Variants in CCDC148 observed in about 807,000 individuals in gnomAD.
The protein encoded by CCDC148 is coiled-coil domain-containing protein 148.
Under a neutral mutation model 85.7 loss-of-function variants are expected in CCDC148, and 89 were observed. The observed-to-expected ratio is 1.04, with a 90% CI of 0.87 to 1.24. The LOEUF (loss-of-function observed/expected upper bound fraction) is 1.24. Among genes scored for constraint, CCDC148 ranks in the 50% most tolerant of loss-of-function variants. The pLI is 0.00. For synonymous variants in CCDC148, 230 were observed against 213.9 expected (o/e 1.08, Z -0.66); for missense variants, 692 against 671.7 (o/e 1.03, Z -0.33).
chr2:158,321,636 C>T (rs1216358661), intron 7 of CCDC148, among the ~76,000 whole-genome samples: 27 of 152,148 alleles, frequency 1.8e-4, no homozygotes, highest in Admixed American at 1.8e-3. Flanking sequence ...TATTATACCC[C>T]TTTCCCTCTC....
intron 11 of CCDC148, among the ~76,000 whole-genome samples, chr2:158,216,030 G>T (rs1470095714): frequency 6.6e-6 from 1 of 152,144 alleles, no homozygotes; most frequent in Non-Finnish European, 1.5e-5. Flanking sequence ...TGTTGTTCAA[G>T]TCACCCAGTC....
intron 9 of CCDC148, among the ~76,000 whole-genome samples, chr2:158,255,339 G>C (rs897979021): frequency 3.3e-5 from 5 of 151,578 alleles, no homozygotes; most frequent in African/African-American, 1.2e-4. Context: ...GTTGTTGGAA[G>C]CTAGAGTGGT....
intron 11 of CCDC148, 81 bp downstream of exon 11, chr2:158,220,514 T>A: frequency 1.1e-6 from 1 of 926,178 alleles, no homozygotes; most frequent in Non-Finnish European, 1.7e-6. Context: ...AAAAGTTCCC[T>A]CTGATATTAT....
chr2:158,250,145 T>C (rs1016206626), intron 10 of CCDC148, among the ~76,000 whole-genome samples: 1 of 152,050 alleles, frequency 6.6e-6, no homozygotes, highest in Non-Finnish European at 1.5e-5. Context: ...GTATCTCACA[T>C]ATATATTTAA....
intron 1 of CCDC148, among the ~76,000 whole-genome samples, chr2:158,421,496 C>T (rs1355105504): frequency 1.3e-5 from 2 of 152,084 alleles, no homozygotes; most frequent in Non-Finnish European, 2.9e-5. Context: ...CTACTGGGTA[C>T]ATAAAGAAAT....
intron 7 of CCDC148, among the ~76,000 whole-genome samples, chr2:158,314,479 A>C (rs879503257): frequency 2.0e-5 from 3 of 152,214 alleles, no homozygotes; most frequent in Non-Finnish European, 4.4e-5. Context: ...CATTAAAACC[A>C]CTGAAGAAAT....
chr2:158,397,547 G>C (rs1230557667), intron 1 of CCDC148, among the ~76,000 whole-genome samples: 1 of 152,114 alleles, frequency 6.6e-6, no homozygotes, highest in Non-Finnish European at 1.5e-5. Context: ...AAGTGAAGGA[G>C]AAATAAAATC....
At chr2:158,233,184 T>A (rs1305161114) in intron 10 of CCDC148, among the ~76,000 whole-genome samples, 1 of 152,162 alleles carries the variant, frequency 6.6e-6, no homozygotes, top group East Asian at 1.9e-4. Flanking sequence ...CTTTCTACTT[T>A]TGGCCTGGAA....
intron 1 of CCDC148, chr2:158,425,354 T>G (rs1687026364): frequency 4.1e-6 from 2 of 487,890 alleles, no homozygotes; most frequent in Admixed American, 4.2e-5. Context: ...TAACCCATCT[T>G]GCAGGATGAC....
intron 11 of CCDC148, among the ~76,000 whole-genome samples, chr2:158,183,049 C>A (rs1357816119): frequency 6.6e-6 from 1 of 152,112 alleles, no homozygotes; most frequent in Non-Finnish European, 1.5e-5. Context: ...CAAACAGAAA[C>A]CGTCTTGGGT....
chr2:158,183,658 C>G (rs1400774258), intron 11 of CCDC148, among the ~76,000 whole-genome samples: 1 of 152,170 alleles, frequency 6.6e-6, no homozygotes, highest in African/African-American at 2.4e-5. Flanking sequence ...CTCCCCCTAC[C>G]ACCTAACATT....
intron 1 of CCDC148, among the ~76,000 whole-genome samples, chr2:158,429,362 T>G (rs79267963): frequency 0.16 from 15,051 of 93,836 alleles, 937 homozygotes; most frequent in Non-Finnish European, 0.22. Context: ...AGAGCATGAA[T>G]AGATAGATAG....
intron 1 of CCDC148, among the ~76,000 whole-genome samples, chr2:158,407,555 A>T (rs1415703031): frequency 6.6e-6 from 1 of 152,216 alleles, no homozygotes; most frequent in Non-Finnish European, 1.5e-5. Context: ...GTCCTATTTA[A>T]CTGGAAAGAG....
At chr2:158,212,597 T>C (rs73966279) in intron 11 of CCDC148, among the ~76,000 whole-genome samples, 8 of 152,088 alleles carry the variant, frequency 5.3e-5, no homozygotes, top group East Asian at 1.9e-4. Flanking sequence ...CAAATGGTCA[T>C]TGACATCCTA....
intron 2 of CCDC148, among the ~76,000 whole-genome samples, chr2:158,352,922 C>T (rs1256435499): frequency 6.6e-6 from 1 of 151,574 alleles, no homozygotes; most frequent in East Asian, 1.9e-4. Context: ...GGCCAATATT[C>T]AACATTCTTA....
intron 7 of CCDC148, among the ~76,000 whole-genome samples, chr2:158,328,267 G>A (rs1406291693): frequency 1.3e-5 from 2 of 151,946 alleles, no homozygotes; most frequent in Non-Finnish European, 2.9e-5. Flanking sequence ...TGCTGTGTTT[G>A]TTTTTTTGTC....
chr2:158,364,964 A>T (rs1002522613), intron 1 of CCDC148, among the ~76,000 whole-genome samples: 3 of 152,212 alleles, frequency 2.0e-5, no homozygotes, highest in African/African-American at 7.2e-5. Context: ...ACAAATTTAC[A>T]AGAAAAAACA....
intron 10 of CCDC148, among the ~76,000 whole-genome samples, chr2:158,228,931 C>T (rs1014059652): frequency 7.0e-6 from 1 of 142,122 alleles, no homozygotes; most frequent in Non-Finnish European, 1.5e-5. Flanking sequence ...GCACGTTGTG[C>T]ACATGTACCA....
intron 1 of CCDC148, among the ~76,000 whole-genome samples, chr2:158,420,597 T>C (rs527404633): frequency 1.3e-3 from 193 of 152,106 alleles, no homozygotes; most frequent in African/African-American, 4.3e-3. Flanking sequence ...GCATTAAACA[T>C]GGAAAAGAAC....
Sources: gnomAD v4.1 joint callset for allele counts (sites outside exome capture counted in the v4.1 genomes callset) on GRCh38, gnomAD v4.1.1 for gene constraint, MANE v1.5 for transcripts, NCBI Gene and HGNC (gene_info 2026-07-23, HGNC 2026-07-21) for gene names.